Variants in AVIL observed in about 807,000 individuals in gnomAD.
AVIL encodes advillin.
AVIL carries 78 observed loss-of-function variants against 109.9 expected under a neutral mutation model. The observed-to-expected ratio is 0.71, with a 90% CI of 0.59 to 0.86. The LOEUF is 0.86. Among genes scored for constraint, AVIL ranks in the 40% least tolerant of loss-of-function variants. The probability of loss-of-function intolerance (pLI) is 0.00; values close to 1 mark genes in which losing one functional copy is unlikely to be tolerated. For synonymous variants in AVIL, 367 were observed against 379.1 expected (o/e 0.97, Z 0.37); for missense variants, 892 against 1,016.5 (o/e 0.88, Z 1.67).
intron 7 of AVIL, among the ~76,000 whole-genome samples, chr12:57,810,142 C>T (rs955585418): frequency 6.6e-6 from 1 of 152,080 alleles, no homozygotes; most frequent in African/African-American, 2.4e-5. Context: ...GGAAAGGTCT[C>T]CTCAAGAGAT....
Position 57,810,483 on chromosome 12 carries a change from C to T in AVIL, c.627G>A (p.Glu209=). The change falls in exon 7 of 20, where the codon GAG becomes GAA. Residue 209 remains glutamate, a synonymous_variant. Coordinates refer to ENST00000549994, the MANE Select transcript of AVIL (RefSeq NM_006576.4). The stretch of plus-strand genomic sequence containing the variant: ...CTGGGCTGGCTGCCTCCTTGTCTCC[C>T]TCGATCACTCCTATTTTAGCACGGC... ...RGGRAKIGVI[E]GDKEAASPEL... 1.9e-6 allele frequency: 3 copies of T among 1,614,200 alleles called. No individual in the cohort carries two copies. The South Asian group carries it at 3.3e-5, about 18-fold the overall frequency.
At chr12:57,816,339 T>A in intron 1 of AVIL, 1 of 339,484 alleles carries the variant, frequency 2.9e-6, no homozygotes, top group Non-Finnish European at 5.4e-6. Context: ...AAAGGGGTGA[T>A]AAATATGTTA....
Position 57,803,638 on chromosome 12 carries a change from T to C in AVIL, c.1703A>G (p.Lys568Arg), listed in dbSNP as rs774802127. ...ATCACAGAGAAGGCTGGCCAGCTCC[T>C]TAGCCATTGCCCGCTCATCCCCACT... The part of the protein sequence containing the change: ...GSSGDERAMA[K>R]ELASLLCDGS... The change falls in exon 15 of 20, where the codon AAG becomes AGG. Residue 568 changes from lysine to arginine, a missense_variant. By Grantham distance (26) the Lys-to-Arg change is conservative. Transcript: ENST00000549994. 1.3e-5 allele frequency: 21 copies of C among 1,614,030 alleles called. No individual in the cohort carries two copies. The highest frequency in any genetic ancestry group is 1.6e-4 in the Middle Eastern group (1 of 6,074).
chr12:57,808,060 TAAA>T (rs1194044118), intron 11 of AVIL, 131 bp downstream of exon 11: 3 of 1,059,782 alleles, frequency 2.8e-6, no homozygotes, highest in Non-Finnish European at 4.4e-6. Context: ...ACAAGACTCT[TAAA>T]GAAGACTCCT....
chr12:57,813,184 G>C, intron 4 of AVIL, 43 bp downstream of exon 4: 6 of 1,557,246 alleles, frequency 3.9e-6, no homozygotes, highest in Non-Finnish European at 5.2e-6. Flanking sequence ...TTCCTCCTCT[G>C]TAAACTGCTG....
At position 57,806,433 on chromosome 12, in the gene AVIL, A is replaced by G. The variant is rs748861123; in HGVS notation, c.1598T>C (p.Phe533Ser). 4 of 1,613,938 alleles carry G rather than the reference A, an allele frequency of 2.5e-6. No homozygotes were observed. In the East Asian group the frequency reaches 6.7e-5, roughly 27 times the overall value. The change falls in exon 14 of 20, where the codon TTT becomes TCT. Residue 533 changes from phenylalanine to serine, a missense_variant. By Grantham distance (155) the Phe-to-Ser change is radical. Coordinates refer to ENST00000549994, the MANE Select transcript of AVIL (RefSeq NM_006576.4). ...ATCATTGGAGTTTAGGGAGGAGGCA[A>G]AGGCTGGAACTTCCACTGCTTTGGT... ...SNTKAVEVPA[F>S]ASSLNSNDVF... is the part of the protein sequence containing the mutation.
chr12:57,813,482 C>T, intron 3 of AVIL, 59 bp from the exon 4 acceptor site: 11 of 1,530,530 alleles, frequency 7.2e-6, no homozygotes, highest in South Asian at 1.2e-5. Context: ...TTGCTGCTGG[C>T]CCCTGTTATG....
intron 18 of AVIL, 126 bp from the exon 19 acceptor site, chr12:57,800,046 T>A (rs1955816277): frequency 7.9e-7 from 1 of 1,270,350 alleles, no homozygotes; most frequent in Admixed American, 2.1e-5. Flanking sequence ...TCATCTTTGA[T>A]AACAATGCTC....
intron 3 of AVIL, 125 bp from the exon 4 acceptor site, chr12:57,813,548 A>C (rs1277869583): frequency 1.0e-6 from 1 of 966,056 alleles, no homozygotes; most frequent in African/African-American, 1.6e-5. Context: ...TCTCTCCTGC[A>C]GTGGATGTGG....
At chr12:57,817,018 A>G (rs1198416219) in intron 1 of AVIL, among the ~76,000 whole-genome samples, 2 of 151,998 alleles carry the variant, frequency 1.3e-5, no homozygotes, top group Non-Finnish European at 2.9e-5. Flanking sequence ...GTAAAGATCT[A>G]AGTCTGTGTA....
chr12:57,807,522 C>A (rs1955967508), intron 12 of AVIL, 33 bp from the exon 13 acceptor site: 1 of 1,614,242 alleles, frequency 6.2e-7, no homozygotes, highest in Non-Finnish European at 8.5e-7. Context: ...AGGACCCATG[C>A]TCCCCGCCCC....
chr12:57,802,826 C>A (rs989334460), intron 16 of AVIL: 12 of 565,710 alleles, frequency 2.1e-5, no homozygotes, highest in Non-Finnish European at 3.7e-5. Context: ...TTTGTCAAAT[C>A]TGTCACCATC....
rs891373689 is a variant in AVIL at position 57,816,920 on chromosome 12, TTC to T, written c.-19-863_-19-862del. ...TTTTCCCTCCCACACAGACCCAAGC[TTC>T]TGTGTGGAAGCGTGAACCTCAGACA... On this transcript the variant is annotated intron_variant, in intron 1 of 19. Transcript: ENST00000549994. 9.9e-5 allele frequency among the ~76,000 whole-genome samples: 15 copies of T among 151,990 alleles called. No individual in the cohort carries two copies. In the Middle Eastern group the frequency reaches 0.014, roughly 138 times the overall value.
Position 57,807,436 on chromosome 12 carries a change from C to T in AVIL, c.1386G>A (p.Glu462=), listed in dbSNP as rs1250465229. ...CAGCCCCATCAAACTGCCGATCCAC[C>T]TCCACTGCCTGGTATGCTGAGGCTG... The part of the protein sequence containing the change: ...ELAASAYQAV[E]VDRQFDGAAV... The change falls in exon 13 of 20, where the codon GAG becomes GAA. Residue 462 remains glutamate (E), a synonymous_variant. Transcript: ENST00000549994. The T allele has an allele frequency of 4.3e-6, 7 of 1,614,128 alleles. No individual in the cohort carries two copies. The highest frequency in any genetic ancestry group is 4.5e-5 in the East Asian group (2 of 44,898).
intron 11 of AVIL, 102 bp downstream of exon 11, chr12:57,808,091 AG>A: frequency 7.4e-7 from 1 of 1,350,330 alleles, no homozygotes; most frequent in Non-Finnish European, 1.1e-6. Context: ...CGGAGGGGAA[AG>A]GGAAAGCAAA....
intron 4 of AVIL, among the ~76,000 whole-genome samples, chr12:57,812,523 G>A (rs753180955): frequency 2.0e-4 from 30 of 151,868 alleles, no homozygotes; most frequent in Admixed American, 1.6e-3. Flanking sequence ...CAGCATGCCC[G>A]GCTAATTTTT....
chr12:57,810,764 G>A, intron 6 of AVIL, 52 bp downstream of exon 6: 1 of 1,568,534 alleles, frequency 6.4e-7, no homozygotes, highest in East Asian at 2.2e-5. Context: ...AGCCAGCATG[G>A]AGGGAAGAAG....
chr12:57,807,763 G>T, intron 11 of AVIL, 36 bp from the exon 12 acceptor site: 1 of 1,613,712 alleles, frequency 6.2e-7, no homozygotes, highest in African/African-American at 1.3e-5. Context: ...TCCAGAGATG[G>T]GGGTGCTGAG....
At chr12:57,809,500 T>TA in intron 9 of AVIL, 97 bp downstream of exon 9, 3 of 1,391,592 alleles carry the variant, frequency 2.2e-6, no homozygotes, top group Non-Finnish European at 3.0e-6. Flanking sequence ...AGCACAATGT[T>TA]ATATGCTCAA....
Sources: allele counts gnomAD v4.1 joint callset (sites outside exome capture counted in the v4.1 genomes callset), GRCh38; gene constraint gnomAD v4.1.1; transcripts MANE v1.5; gene names NCBI Gene and HGNC (gene_info 2026-07-23, HGNC 2026-07-21).